Variants in RAB5A observed in about 807,000 individuals in gnomAD.
RAB5A encodes the protein ras-related protein Rab-5A.
In RAB5A, 8 loss-of-function variants were observed where a neutral mutation model predicts 25.7. The observed-to-expected ratio is 0.31, with a 90% CI of 0.18 to 0.56. RAB5A has a LOEUF of 0.56. Ranked by LOEUF, RAB5A falls within the 20% of genes least tolerant of loss-of-function variation. RAB5A has a pLI of 0.91. For synonymous variants in RAB5A, 98 were observed against 89.8 expected, an observed-to-expected ratio of 1.09 and a Z score of -0.52; for missense variants, 192 against 259.7, an observed-to-expected ratio of 0.74 and a Z score of 1.79.
chr3:19,984,013 A>G lies in RAB5A; in HGVS notation c.*190A>G, dbSNP rs1011490152. On this transcript the variant is annotated 3_prime_UTR_variant, in exon 6 of 6. Transcript: ENST00000273047. ...ATAACATGCATGGGTCCCTCTCACT[A>G]ATGTTTCAACAATAGGGAAAAATGA... is the stretch of plus-strand genomic sequence containing the variant. 7.4e-6 allele frequency: 4 copies of G among 538,692 alleles called. No homozygotes were observed. The highest frequency in any genetic ancestry group is 3.9e-5 in the African/African-American group (2 of 51,934). 33.4% of individuals were successfully genotyped at this position (538,692 alleles called of 1,614,324 possible).
chr3:19,949,210 A>G (rs1237000810), intron 1 of RAB5A, among the ~76,000 whole-genome samples: 1 of 152,320 alleles, frequency 6.6e-6, no homozygotes, highest in East Asian at 1.9e-4. Context: ...ACGTCAATAA[A>G]TCTGTAAATA....
chr3:19,948,930 T>C (rs1051137174), intron 1 of RAB5A, among the ~76,000 whole-genome samples: 13 of 152,224 alleles, frequency 8.5e-5, no homozygotes, highest in Admixed American at 7.9e-4. Flanking sequence ...TGATGTTCTA[T>C]TGATATTTTA....
intron 5 of RAB5A, among the ~76,000 whole-genome samples, chr3:19,983,495 C>T (rs1471223623): frequency 6.6e-6 from 1 of 152,038 alleles, no homozygotes; most frequent in African/African-American, 2.4e-5. Context: ...ATCTACCGTT[C>T]CCCCAACACA....
chr3:19,983,361 A>AAAG (rs1319582103), intron 5 of RAB5A, among the ~76,000 whole-genome samples: 2 of 151,636 alleles, frequency 1.3e-5, no homozygotes, highest in African/African-American at 4.8e-5. Flanking sequence ...AAAAAAAAAA[A>AAAG]AAGAAGTAAT....
chr3:19,950,539 C>T (rs1559484689), intron 1 of RAB5A, among the ~76,000 whole-genome samples: 1 of 152,060 alleles, frequency 6.6e-6, no homozygotes, highest in East Asian at 1.9e-4. Context: ...AATAATATCT[C>T]ATTTTATAGG....
chr3:19,949,834 C>G (rs1318239298), intron 1 of RAB5A, among the ~76,000 whole-genome samples: 4 of 152,152 alleles, frequency 2.6e-5, no homozygotes, highest in Middle Eastern at 3.4e-3. Context: ...TGCTTGAGCC[C>G]GAGAGTTCAG....
chr3:19,951,740 G>T (rs1696427852), intron 2 of RAB5A, among the ~76,000 whole-genome samples: 1 of 127,704 alleles, frequency 7.8e-6, no homozygotes, highest in Non-Finnish European at 1.6e-5. Flanking sequence ...GTCTCGCTGT[G>T]TTTCCAGGTT....
intron 2 of RAB5A, among the ~76,000 whole-genome samples, chr3:19,953,999 T>G (rs559521891): frequency 1.3e-5 from 2 of 152,034 alleles, no homozygotes; most frequent in South Asian, 4.1e-4. Context: ...GCCAACCAAC[T>G]CTTTTGCATT....
Position 19,954,795 on chromosome 3 carries a change from G to T in RAB5A, c.163+3734G>T, listed in dbSNP as rs539480638. 5.9e-5 allele frequency among the ~76,000 whole-genome samples: 9 copies of T among 152,266 alleles called. No homozygotes were observed. The South Asian group carries it at 1.7e-3, about 28-fold the overall frequency. ...ACTGCACCACCACACTCCAGCCTGG[G>T]TGACAGTGAGAACCCTGTCTCAAAA... On this transcript the variant is annotated intron_variant, in intron 2 of 5. Transcript: ENST00000273047.
intron 2 of RAB5A, among the ~76,000 whole-genome samples, chr3:19,951,383 T>A (rs759197550): frequency 9.9e-5 from 15 of 152,204 alleles, no homozygotes; most frequent in Non-Finnish European, 2.1e-4. Context: ...TTCAAATTAA[T>A]ACAGTACATG....
intron 2 of RAB5A, 186 bp downstream of exon 2, chr3:19,951,247 ATTGT>A (rs1456006046): frequency 3.7e-5 from 22 of 593,672 alleles, no homozygotes; most frequent in East Asian, 1.8e-4. Flanking sequence ...TTTATATTTG[ATTGT>A]TTGGTTAATC....
chr3:19,984,317 C>G lies in RAB5A; in HGVS notation c.*494C>G. The stretch of plus-strand genomic sequence containing the variant: ...GGTACCTGTATTTAAAATGTACATT[C>G]CACATTTTAATAAATTAACCACAAG... On this transcript the variant is annotated 3_prime_UTR_variant, in exon 6 of 6. Coordinates refer to ENST00000273047, the MANE Select transcript of RAB5A (RefSeq NM_004162.5). 1 of 415,160 alleles carries G rather than the reference C, an allele frequency of 2.4e-6. No individual in the cohort carries two copies. Among genetic ancestry groups the G allele is most frequent in the South Asian group, 1.7e-5 (1 of 57,884 alleles). 25.7% of individuals were successfully genotyped at this position (415,160 alleles called of 1,614,324 possible). A position where few individuals can be genotyped will look rare whatever the true frequency, so the allele number is the denominator to read the frequency against.
In RAB5A at chr3:19,963,376, C is replaced by CCCAG. The variant is rs869290360; in HGVS notation, c.164-12223_164-12222insAGCC. ...ATCTTAGAATTTCACCCCCCCCCCC[C>CCCAG]CCGACTTATTTTCGTAAGATCAATT... On this transcript the variant is annotated intron_variant, in intron 2 of 5. Transcript: ENST00000273047. Among the ~76,000 whole-genome samples, 6 of 86,868 alleles carry CCCAG rather than the reference C, an allele frequency of 6.9e-5. No individual in the cohort carries two copies. In the South Asian group the frequency reaches 3.2e-3, roughly 46 times the overall value. The allele number at this position is 86,868 out of a possible 152,430, so 57.0% of individuals were successfully genotyped here.
At chr3:19,951,823 T>C (rs1394093410) in intron 2 of RAB5A, among the ~76,000 whole-genome samples, 1 of 151,176 alleles carries the variant, frequency 6.6e-6, no homozygotes, top group Non-Finnish European at 1.5e-5. Context: ...AGGTGCTCCC[T>C]GCTGAGATGC....
intron 5 of RAB5A, chr3:19,980,081 T>G (rs1232320540): frequency 6.6e-6 from 1 of 152,230 alleles, no homozygotes; most frequent in Non-Finnish European, 1.5e-5. Flanking sequence ...AACTCAAGTT[T>G]GCAGTTTGCT....
intron 2 of RAB5A, among the ~76,000 whole-genome samples, chr3:19,974,728 G>A (rs4858627): frequency 2.9e-3 from 101 of 34,918 alleles, no homozygotes; most frequent in African/African-American, 7.3e-3. Context: ...CTCAGAAAAA[G>A]AAAAAAAAAG....
chr3:19,967,147 AT>A (rs11362045), intron 2 of RAB5A, among the ~76,000 whole-genome samples: 22,363 of 139,916 alleles, frequency 0.16, 1,607 homozygotes, highest in Non-Finnish European at 0.21. Flanking sequence ...TCCTTTGTCC[AT>A]TTTTTTTTTT....
At chr3:19,947,872 G>C (rs1276469692) in intron 1 of RAB5A, 2 of 152,762 alleles carry the variant, frequency 1.3e-5, no homozygotes, top group African/African-American at 4.8e-5. Context: ...AGGCAGGTTC[G>C]GGGGAGGAGG....
intron 5 of RAB5A, among the ~76,000 whole-genome samples, chr3:19,979,060 T>A (rs1696873321): frequency 6.6e-6 from 1 of 151,806 alleles, no homozygotes; most frequent in Admixed American, 6.6e-5. Flanking sequence ...CACTGCAACC[T>A]CCACTTCCCG....
Sources: allele counts gnomAD v4.1 joint callset (sites outside exome capture counted in the v4.1 genomes callset), GRCh38; gene constraint gnomAD v4.1.1; transcripts MANE v1.5; gene names NCBI Gene and HGNC (gene_info 2026-07-23, HGNC 2026-07-21).